The following DOP1A variants were observed in gnomAD, a reference collection of about 807,000 sequenced individuals.
DOP1A encodes the protein DOP1 leucine zipper like protein A.
DOP1A carries 90 observed loss-of-function variants against 267.6 expected under a neutral mutation model. The ratio of observed to expected loss-of-function variants is 0.34; its 90% CI spans 0.28 to 0.40. The LOEUF (loss-of-function observed/expected upper bound fraction) is 0.40, where lower values mean the gene tolerates loss of function less well. Ranked by LOEUF, DOP1A falls within the 10% of genes least tolerant of loss-of-function variation. The pLI, the probability that DOP1A is intolerant of heterozygous loss-of-function variation, is 1.00. For missense variants in DOP1A, 2,437 were observed against 2,900.4 expected, an observed-to-expected ratio of 0.84 and a Z score of 3.67; for synonymous variants, 932 against 999.1, an observed-to-expected ratio of 0.93 and a Z score of 1.27.
intron 24 of DOP1A, among the ~76,000 whole-genome samples, chr6:83,144,632 G>C (rs1780186389): frequency 6.6e-6 from 1 of 152,114 alleles, no homozygotes; most frequent in Admixed American, 6.6e-5. Flanking sequence ...ACAATGTTGA[G>C]AGGATAGGTA....
chr6:83,099,556 G>GT (rs1286801043), intron 3 of DOP1A, among the ~76,000 whole-genome samples: 1 of 152,008 alleles, frequency 6.6e-6, no homozygotes, highest in Non-Finnish European at 1.5e-5. Flanking sequence ...TACATAATTA[G>GT]TTTTTTAGAT....
intron 5 of DOP1A, among the ~76,000 whole-genome samples, chr6:83,109,603 G>A (rs1774201439): frequency 6.6e-6 from 1 of 152,128 alleles, no homozygotes; most frequent in Non-Finnish European, 1.5e-5. Flanking sequence ...GTACAGTGCT[G>A]TTTCACTAGC....
chr6:83,163,579 TTC>T (rs1441282850), intron 38 of DOP1A, among the ~76,000 whole-genome samples: 2 of 152,204 alleles, frequency 1.3e-5, no homozygotes, highest in Non-Finnish European at 2.9e-5. Context: ...ATTTTTCACT[TTC>T]TGATTATAAC....
At chr6:83,152,558 TA>T (rs1781904704) in intron 30 of DOP1A, among the ~76,000 whole-genome samples, 191 bp downstream of exon 30, 1 of 152,002 alleles carries the variant, frequency 6.6e-6, no homozygotes, top group Admixed American at 6.6e-5. Flanking sequence ...ACATTAGTGA[TA>T]AATTTAGATA....
intron 5 of DOP1A, 109 bp downstream of exon 5, chr6:83,109,189 A>T: frequency 1.1e-6 from 1 of 900,228 alleles, no homozygotes; most frequent in Non-Finnish European, 1.7e-6. Context: ...TAGACAGTTC[A>T]GTATATCACA....
At chr6:83,158,737 T>G in intron 36 of DOP1A, 115 bp downstream of exon 36, 1 of 731,344 alleles carries the variant, frequency 1.4e-6, no homozygotes, top group Non-Finnish European at 2.2e-6. Context: ...TTTATTATTA[T>G]CTAATTGATT....
At position 83,146,983 on chromosome 6, in the gene DOP1A, T is replaced by G. The variant is rs1259045277; in HGVS notation, c.5677-253T>G. 3.3e-5 allele frequency among the ~76,000 whole-genome samples: 5 copies of G among 152,214 alleles called. 1 individual carries two copies. The highest frequency in any genetic ancestry group is 7.4e-5 in the Non-Finnish European group (5 of 68,024). On this transcript the variant is annotated intron_variant, in intron 25 of 38. Transcript: ENST00000349129. ...AAGTGAGTGGTGGACTATCAACTTCTGATATATGGAAGGAAAAATTGACAG... is the reference window on the plus strand; with the variant it reads ...AAGTGAGTGGTGGACTATCAACTTCGGATATATGGAAGGAAAAATTGACAG...
Position 83,120,810 on chromosome 6 carries a change from G to T in DOP1A, c.1099+19G>T. On this transcript the variant is annotated intron_variant, in intron 10 of 38. Transcript: ENST00000349129. ...GAGCTAGGTAATGTATACTGTCCTA[G>T]GGCATAAGGTCATGTGTGGTACTTT... The T allele has an allele frequency of 6.9e-7, 1 of 1,457,086 alleles. No individual in the cohort carries two copies. The highest frequency in any genetic ancestry group is 9.3e-7 in the Non-Finnish European group (1 of 1,073,458). The allele number at this position is 1,457,086 out of a possible 1,614,324, so 90.3% of individuals were successfully genotyped here.
chr6:83,086,527 G>C (rs1348861346), intron 1 of DOP1A, among the ~76,000 whole-genome samples: 1 of 152,132 alleles, frequency 6.6e-6, no homozygotes, highest in Non-Finnish European at 1.5e-5. Context: ...TCAAGACTCA[G>C]CTGTACCTCA....
At chr6:83,124,562 G>T in intron 12 of DOP1A, 143 bp from the exon 13 acceptor site, 1 of 675,720 alleles carries the variant, frequency 1.5e-6, no homozygotes, top group Admixed American at 2.9e-5. Context: ...CAGTGGCCTG[G>T]GGGAAATAAA....
At chr6:83,109,155 T>C in intron 5 of DOP1A, 75 bp downstream of exon 5, 1 of 1,330,382 alleles carries the variant, frequency 7.5e-7, no homozygotes, top group Non-Finnish European at 1.0e-6. Flanking sequence ...TCAAATATGT[T>C]TTAACATCAC....
At chr6:83,162,707 A>G (rs1300044072) in intron 37 of DOP1A, 83 bp from the exon 38 acceptor site, 3 of 1,437,682 alleles carry the variant, frequency 2.1e-6, no homozygotes, top group East Asian at 2.3e-5. Flanking sequence ...TGGGGTCATG[A>G]TCTTTCTACT....
At chr6:83,166,804 T>C in intron 38 of DOP1A, 4 of 1,029,466 alleles carry the variant, frequency 3.9e-6, no homozygotes, top group Non-Finnish European at 4.7e-6. Flanking sequence ...TATTAAATTA[T>C]TAGGTAAACA....
chr6:83,136,000 C>T (rs1464623291), intron 20 of DOP1A, 122 bp downstream of exon 20: 1 of 1,166,436 alleles, frequency 8.6e-7, no homozygotes, highest in Non-Finnish European at 1.2e-6. Flanking sequence ...TTATTTTCTC[C>T]CCTCCTCATG....
At chr6:83,086,907 A>ATTTTAGTTTTAG (rs143434086) in intron 1 of DOP1A, among the ~76,000 whole-genome samples, 4 of 152,092 alleles carry the variant, frequency 2.6e-5, no homozygotes, top group East Asian at 1.9e-4. Flanking sequence ...ATGGGTTTTA[A>ATTTTAGTTTTAG]TTTTAGTTTT....
intron 19 of DOP1A, among the ~76,000 whole-genome samples, chr6:83,135,064 C>T (rs1046044859): frequency 1.3e-5 from 2 of 152,056 alleles, no homozygotes; most frequent in African/African-American, 4.8e-5. Flanking sequence ...ATTTGACAAC[C>T]ATCTTTCCTA....
At chr6:83,169,869 G>GAA, downstream of DOP1A, 1 of 437,426 alleles carries the variant, frequency 2.3e-6, no homozygotes, top group Non-Finnish European at 4.5e-6. Flanking sequence ...ACAGAGTAAG[G>GAA]CTGTCATTTA....
intron 4 of DOP1A, among the ~76,000 whole-genome samples, chr6:83,103,442 T>G (rs562466893): frequency 6.6e-6 from 1 of 152,106 alleles, no homozygotes; most frequent in Non-Finnish European, 1.5e-5. Flanking sequence ...AAAGAACTTA[T>G]TCATGTAACC....
At chr6:83,087,101 T>C (rs1769410000) in intron 1 of DOP1A, among the ~76,000 whole-genome samples, 1 of 152,118 alleles carries the variant, frequency 6.6e-6, no homozygotes, top group South Asian at 2.1e-4. Context: ...TTGTCCTTCA[T>C]AATGGAAAGA....
Sources: gnomAD v4.1 joint callset for allele counts (sites outside exome capture counted in the v4.1 genomes callset) on GRCh38, gnomAD v4.1.1 for gene constraint, MANE v1.5 for transcripts, NCBI Gene and HGNC (gene_info 2026-07-23, HGNC 2026-07-21) for gene names.